The following ANKRD13A variants were observed in gnomAD, a reference collection of about 807,000 sequenced individuals.
ANKRD13A encodes ankyrin repeat domain 13A, also known as ankyrin repeat domain-containing protein 13A.
In ANKRD13A, 48 loss-of-function variants were observed where a neutral mutation model predicts 81.3. The observed-to-expected ratio is 0.59, with a 90% CI of 0.47 to 0.75. The LOEUF (loss-of-function observed/expected upper bound fraction) is 0.75, where lower values mean the gene tolerates loss of function less well. Among genes scored for constraint, ANKRD13A ranks in the 30% least tolerant of loss-of-function variants. ANKRD13A has a pLI of 0.00. For synonymous variants in ANKRD13A, 230 were observed against 270.1 expected (o/e 0.85, Z 1.45); for missense variants, 612 against 734.0 (o/e 0.83, Z 1.92).
At chr12:110,011,285 T>C (rs943436274) in intron 1 of ANKRD13A, among the ~76,000 whole-genome samples, 4 of 151,214 alleles carry the variant, frequency 2.6e-5, no homozygotes, top group African/African-American at 9.7e-5. Flanking sequence ...GGGGCGAGAG[T>C]GGCAGAATAG....
intron 6 of ANKRD13A, chr12:110,023,697 ACCTTGTGGCAAGC>A: frequency 4.6e-6 from 1 of 216,666 alleles, no homozygotes; most frequent in Admixed American, 5.3e-5. Context: ...CCTGGTTACC[ACCTTGTGGCAAGC>A]CCTTGGATGC....
At chr12:110,007,126 G>A (rs1303375875) in intron 1 of ANKRD13A, among the ~76,000 whole-genome samples, 1 of 152,134 alleles carries the variant, frequency 6.6e-6, no homozygotes, top group Non-Finnish European at 1.5e-5. Context: ...TTTTAAAATT[G>A]GCAAGCGTGA....
At chr12:110,026,187 T>G (rs1891315345) in intron 8 of ANKRD13A, among the ~76,000 whole-genome samples, 1 of 151,400 alleles carries the variant, frequency 6.6e-6, no homozygotes, top group African/African-American at 2.4e-5. Flanking sequence ...GGTCTCGAAC[T>G]CCTGACATCA....
chr12:110,022,150 C>T (rs1891109854), intron 6 of ANKRD13A: 1 of 152,146 alleles, frequency 6.6e-6, no homozygotes, highest in African/African-American at 2.4e-5. Flanking sequence ...TAAACTGCTT[C>T]CAAGAGTGGA....
Position 110,037,641 on chromosome 12 carries a change from C to G in ANKRD13A, c.*87C>G. The G allele has an allele frequency of 2.2e-6, 3 of 1,375,058 alleles. No individual in the cohort carries two copies. Among genetic ancestry groups the G allele is most frequent in the Non-Finnish European group, 3.0e-6 (3 of 1,016,794 alleles). 85.2% of individuals were successfully genotyped at this position (1,375,058 alleles called of 1,614,324 possible). A position where few individuals can be genotyped will look rare whatever the true frequency, so the allele number is the denominator to read the frequency against. ...CAACCAGGGCCCTAGGGCTAAGGGC[C>G]TGCACCTTGCGTGCATGCAGCAGGC... On this transcript the variant is annotated 3_prime_UTR_variant, in exon 15 of 15. Transcript: ENST00000261739.
rs1411482176 is a variant in ANKRD13A at position 110,036,166 on chromosome 12, CTT to C, written c.1510-92_1510-91del. The C allele has an allele frequency of 3.4e-6, 4 of 1,184,880 alleles. No individual in the cohort carries two copies. In the East Asian group the frequency reaches 9.5e-5, roughly 28 times the overall value. The allele number at this position is 1,184,880 out of a possible 1,614,324, so 73.4% of individuals were successfully genotyped here. A position where few individuals can be genotyped will look rare whatever the true frequency, so the allele number is the denominator to read the frequency against. On this transcript the variant is annotated intron_variant, in intron 13 of 14. Coordinates refer to ENST00000261739, the MANE Select transcript of ANKRD13A (RefSeq NM_033121.2). The surrounding 1 kb of genome is among the most constrained non-coding windows in gnomAD (Gnocchi z 4.6). ...ACTATTGATAATGGTCATGGAAAGACTTTTAATTTGGTTCTTGCTGCCATCGT... is the reference window on the plus strand; with the variant it reads ...ACTATTGATAATGGTCATGGAAAGACTTAATTTGGTTCTTGCTGCCATCGT...
At position 110,039,119 on chromosome 12, in the gene ANKRD13A, A is replaced by G. The variant is rs138362243; in HGVS notation, c.*1565A>G. Reference sequence around the variant, plus strand: ...CAAAATTCCTTCTGCACATGAGGCCAGTATAGGCAACGTCACATTTGTTTG... The same window carrying G: ...CAAAATTCCTTCTGCACATGAGGCCGGTATAGGCAACGTCACATTTGTTTG... On this transcript the variant is annotated 3_prime_UTR_variant, in exon 15 of 15. Transcript: ENST00000261739. 4 of 151,184 alleles carry G rather than the reference A, an allele frequency of 2.6e-5. No individual in the cohort carries two copies. Among genetic ancestry groups the G allele is most frequent in the Non-Finnish European group, 5.9e-5 (4 of 67,894 alleles). 9.4% of individuals were successfully genotyped at this position (151,184 alleles called of 1,614,324 possible). A position where few individuals can be genotyped will look rare whatever the true frequency, so the allele number is the denominator to read the frequency against.
intron 12 of ANKRD13A, among the ~76,000 whole-genome samples, chr12:110,031,926 A>G (rs989345289): frequency 1.3e-5 from 2 of 151,944 alleles, no homozygotes; most frequent in African/African-American, 4.8e-5. Flanking sequence ...ATCTTGTAAC[A>G]TGGCTGAATT....
At chr12:110,028,130 C>G (rs1197242574) in intron 9 of ANKRD13A, 3 of 323,144 alleles carry the variant, frequency 9.3e-6, no homozygotes, top group African/African-American at 6.4e-5. Flanking sequence ...GAACTTGGTA[C>G]AGTGGATGTC....
In ANKRD13A at chr12:110,003,493, G is replaced by A. The variant is rs75587535; in HGVS notation, c.96+3709G>A. 1.4e-4 allele frequency among the ~76,000 whole-genome samples: 21 copies of A among 152,354 alleles called. 2 individuals are homozygous for A. In the East Asian group the frequency reaches 3.7e-3, roughly 27 times the overall value. On this transcript the variant is annotated intron_variant, in intron 1 of 14. Coordinates refer to ENST00000261739, the MANE Select transcript of ANKRD13A (RefSeq NM_033121.2). The stretch of plus-strand genomic sequence containing the variant: ...AGATTCCTGTTTCCACTGACTCAGC[G>A]TGGGGGCCACACAGGACCAGGATGG...
intron 7 of ANKRD13A, 76 bp from the exon 8 acceptor site, chr12:110,025,666 A>T: frequency 9.1e-7 from 1 of 1,096,224 alleles, no homozygotes; most frequent in East Asian, 2.6e-5. Flanking sequence ...TTGCTTCAGC[A>T]TTCTTGCTTT....
rs1890345255 is a variant in ANKRD13A, at chr12:110,008,429, A to G, written c.97-3576A>G. On this transcript the variant is annotated intron_variant, in intron 1 of 14. Coordinates refer to ENST00000261739, the MANE Select transcript of ANKRD13A (RefSeq NM_033121.2). ...TATATCGTGGAGGATTTTTGCATCTATATCATAAGAGATATTAGTGTGTGG... is the reference window on the plus strand; with the variant it reads ...TATATCGTGGAGGATTTTTGCATCTGTATCATAAGAGATATTAGTGTGTGG... 2.0e-5 allele frequency among the ~76,000 whole-genome samples: 3 copies of G among 152,186 alleles called. No individual in the cohort carries two copies. In the South Asian group the frequency reaches 6.2e-4, roughly 31 times the overall value.
chr12:110,012,240 C>T, intron 2 of ANKRD13A, 103 bp downstream of exon 2: 1 of 1,326,592 alleles, frequency 7.5e-7, no homozygotes, highest in Non-Finnish European at 1.0e-6. Context: ...TGGTGCATGT[C>T]TGTAGTACCA....
intron 11 of ANKRD13A, 32 bp from the exon 12 acceptor site, chr12:110,030,613 T>C: frequency 2.2e-6 from 3 of 1,338,308 alleles, no homozygotes; most frequent in Admixed American, 2.0e-5. Flanking sequence ...TCAGTAAAGT[T>C]TACTTATAAA....
chr12:110,033,670 T>A, intron 12 of ANKRD13A, 127 bp from the exon 13 acceptor site: 1 of 861,248 alleles, frequency 1.2e-6, no homozygotes, highest in Non-Finnish European at 1.7e-6. Context: ...GAATCTCTCA[T>A]ATAATAGTAA....
In ANKRD13A at chr12:110,037,515, G is replaced by A. The variant is rs1305644896; in HGVS notation, c.1734G>A (p.Glu578=). ...TCCGGCTCCAGGAGGAAGAGGCTGA[G>A]CTCCAGCAAGTCTTACAGCTGTCAC... ...WELRLQEEEA[E]LQQVLQLSLT... The change falls in exon 15 of 15, where the codon GAG becomes GAA. Residue 578 remains glutamate (E), a synonymous_variant. Coordinates refer to ENST00000261739, the MANE Select transcript of ANKRD13A (RefSeq NM_033121.2). The A allele has an allele frequency of 1.2e-6, 2 of 1,614,008 alleles. No individual in the cohort carries two copies. Among genetic ancestry groups the A allele is most frequent in the Non-Finnish European group, 1.7e-6 (2 of 1,180,050 alleles).
At chr12:110,016,489 T>C (rs1432984620) in intron 4 of ANKRD13A, 56 bp downstream of exon 4, 3 of 1,471,926 alleles carry the variant, frequency 2.0e-6, no homozygotes, top group Non-Finnish European at 2.8e-6. Flanking sequence ...TTAGCCCGCA[T>C]GTAGGTTTAT....
intron 1 of ANKRD13A, among the ~76,000 whole-genome samples, chr12:110,000,376 C>A (rs1889891252): frequency 6.6e-6 from 1 of 152,150 alleles, no homozygotes; most frequent in Non-Finnish European, 1.5e-5. Flanking sequence ...GGTCCAGGTG[C>A]CGCATTTTTA....
intron 1 of ANKRD13A, among the ~76,000 whole-genome samples, chr12:110,011,784 A>C (rs1890536021): frequency 6.6e-6 from 1 of 152,214 alleles, no homozygotes; most frequent in Admixed American, 6.5e-5. Context: ...TTAGGCACTT[A>C]ACTTTATAGA....
Sources: gnomAD v4.1 joint callset for allele counts (sites outside exome capture counted in the v4.1 genomes callset) on GRCh38, gnomAD v4.1.1 for gene constraint, Gnocchi (gnomAD v3.1) non-coding constraint, MANE v1.5 for transcripts, NCBI Gene and HGNC (gene_info 2026-07-23, HGNC 2026-07-21) for gene names.